HOMER1: variants seen among roughly 807,000 people sequenced by gnomAD.
HOMER1 encodes the protein homer scaffold protein 1.
A neutral mutation model predicts 48.9 loss-of-function variants in HOMER1; 3 were observed. That is an observed-to-expected ratio of 0.06 (90% CI 0.03 to 0.16). The LOEUF is 0.16. HOMER1 is among the 10% of genes least tolerant of loss of function. The pLI is 1.00. For missense variants in HOMER1, 247 were observed against 411.4 expected (o/e 0.60, Z 3.46); for synonymous variants, 134 against 146.4 (o/e 0.92, Z 0.61).
intron 1 of HOMER1, among the ~76,000 whole-genome samples, chr5:79,503,358 C>T (rs970261469): frequency 2.0e-5 from 3 of 151,070 alleles, no homozygotes; most frequent in Admixed American, 6.6e-5. Flanking sequence ...CACGAAATCC[C>T]GTCTCTACTA....
intron 5 of HOMER1, among the ~76,000 whole-genome samples, chr5:79,420,794 T>C (rs182431569): frequency 6.6e-6 from 1 of 152,278 alleles, no homozygotes; most frequent in East Asian, 1.9e-4. Flanking sequence ...TGCTGTCTCA[T>C]GAAGCTCCTC....
intron 1 of HOMER1, among the ~76,000 whole-genome samples, chr5:79,482,929 GGAGGTT>G (rs1751986348): frequency 6.6e-6 from 1 of 152,126 alleles, no homozygotes; most frequent in African/African-American, 2.4e-5. Context: ...CTTGAGCCCA[GGAGGTT>G]GAGGCTGCAG....
chr5:79,407,490 A>G (rs1749697090), intron 5 of HOMER1, among the ~76,000 whole-genome samples: 2 of 152,214 alleles, frequency 1.3e-5, no homozygotes, highest in African/African-American at 4.8e-5. Context: ...TAGCAGAGCA[A>G]TGAAAACTAT....
intron 1 of HOMER1, among the ~76,000 whole-genome samples, chr5:79,484,892 A>G (rs1019112292): frequency 2.0e-5 from 3 of 152,170 alleles, no homozygotes; most frequent in African/African-American, 7.2e-5. Flanking sequence ...CCACATTACT[A>G]CAATTCCCAG....
chr5:79,508,526 C>T (rs1446829756), intron 1 of HOMER1, among the ~76,000 whole-genome samples: 4 of 152,206 alleles, frequency 2.6e-5, no homozygotes, highest in African/African-American at 9.6e-5. Context: ...AGACCTATCT[C>T]TTGCTACACC....
At chr5:79,511,192 C>G (rs1752933011) in intron 1 of HOMER1, among the ~76,000 whole-genome samples, 2 of 152,134 alleles carry the variant, frequency 1.3e-5, no homozygotes, top group Admixed American at 6.5e-5. Flanking sequence ...ATGTTTTAAA[C>G]AGAGCTGCAG....
chr5:79,475,786 C>T (rs1218908846), intron 1 of HOMER1, among the ~76,000 whole-genome samples: 1 of 152,120 alleles, frequency 6.6e-6, no homozygotes, highest in Non-Finnish European at 1.5e-5. Context: ...CAGAGCCTTC[C>T]AAACCACACT....
At chr5:79,441,680 G>A (rs773923216) in intron 4 of HOMER1, among the ~76,000 whole-genome samples, 2 of 151,736 alleles carry the variant, frequency 1.3e-5, no homozygotes, top group Non-Finnish European at 2.9e-5. Flanking sequence ...GAGAACTTGG[G>A]TTTTTTTAAA....
chr5:79,419,886 T>C (rs1196606809), intron 5 of HOMER1, among the ~76,000 whole-genome samples: 1 of 152,172 alleles, frequency 6.6e-6, no homozygotes, highest in Non-Finnish European at 1.5e-5. Context: ...TCCTTAAAAT[T>C]TTTAGCAACT....
chr5:79,393,686 C>A (rs971535748), intron 8 of HOMER1, among the ~76,000 whole-genome samples: 5 of 152,018 alleles, frequency 3.3e-5, no homozygotes, highest in Admixed American at 1.3e-4. Context: ...GAAAGTTTAT[C>A]TTAAAGAAAT....
At chr5:79,420,713 G>A (rs1006492212) in intron 5 of HOMER1, among the ~76,000 whole-genome samples, 3 of 152,136 alleles carry the variant, frequency 2.0e-5, no homozygotes, top group African/African-American at 4.8e-5. Flanking sequence ...AGAGCTTGGG[G>A]ACTGTTCTTA....
chr5:79,464,370 T>C (rs1198687538), intron 1 of HOMER1, among the ~76,000 whole-genome samples: 1 of 152,172 alleles, frequency 6.6e-6, no homozygotes, highest in Non-Finnish European at 1.5e-5. Context: ...ACCCTCAGCT[T>C]GCTTTTGGGT....
intron 5 of HOMER1, among the ~76,000 whole-genome samples, chr5:79,405,591 A>C (rs940972593): frequency 2.0e-5 from 3 of 151,968 alleles, no homozygotes; most frequent in Admixed American, 2.0e-4. Context: ...ATCAGATTGC[A>C]TTTTTTCCTT....
chr5:79,456,256 C>T (rs111341245), intron 2 of HOMER1, among the ~76,000 whole-genome samples: 3,298 of 152,120 alleles, frequency 0.022, 73 homozygotes, highest in Non-Finnish European at 0.029. Context: ...TCCTTACAAC[C>T]ACCAGTACTG....
chr5:79,474,433 C>T (rs936596916), intron 1 of HOMER1, among the ~76,000 whole-genome samples: 1 of 151,964 alleles, frequency 6.6e-6, no homozygotes, highest in African/African-American at 2.4e-5. Context: ...TATCTCAATT[C>T]CCTAAAAGAT....
chr5:79,409,084 G>GAA (rs772069998), intron 5 of HOMER1, among the ~76,000 whole-genome samples: 1 of 109,556 alleles, frequency 9.1e-6, no homozygotes, highest in Non-Finnish European at 1.7e-5. Flanking sequence ...TTTGTCTTGA[G>GAA]AAAAAAAAAA....
At chr5:79,392,862 A>G (rs1219996310) in intron 8 of HOMER1, among the ~76,000 whole-genome samples, 1 of 149,286 alleles carries the variant, frequency 6.7e-6, no homozygotes, top group Non-Finnish European at 1.5e-5. Flanking sequence ...CTGTATTTTT[A>G]CTCTACCTTT....
At chr5:79,495,533 C>T (rs1284290240) in intron 1 of HOMER1, among the ~76,000 whole-genome samples, 1 of 152,186 alleles carries the variant, frequency 6.6e-6, no homozygotes, top group African/African-American at 2.4e-5. Flanking sequence ...ACATGGCTAT[C>T]TACTTATCTT....
At chr5:79,423,821 A>G (rs1302137211) in intron 5 of HOMER1, among the ~76,000 whole-genome samples, 1 of 152,126 alleles carries the variant, frequency 6.6e-6, no homozygotes, top group East Asian at 1.9e-4. Flanking sequence ...TCAAAGAGAT[A>G]AAGTCTTTTG....
Sources: gnomAD v4.1 joint callset for allele counts (sites outside exome capture counted in the v4.1 genomes callset) on GRCh38, gnomAD v4.1.1 for gene constraint, MANE v1.5 for transcripts, NCBI Gene and HGNC (gene_info 2026-07-23, HGNC 2026-07-21) for gene names.